EXOC6: variants seen among roughly 807,000 people sequenced by gnomAD.
The protein encoded by EXOC6 is SEC15-like 1.
A neutral mutation model predicts 112.5 loss-of-function variants in EXOC6; 60 were observed. That is an observed-to-expected ratio of 0.53 (90% CI 0.43 to 0.66). The LOEUF (loss-of-function observed/expected upper bound fraction) is 0.66. Ranked by LOEUF, EXOC6 falls within the 30% of genes least tolerant of loss-of-function variation. EXOC6 has a pLI of 0.00. For synonymous variants in EXOC6, 295 were observed against 308.0 expected (o/e 0.96, Z 0.44); for missense variants, 855 against 957.1 (o/e 0.89, Z 1.41).
chr10:93,000,161 A>T (rs1474660122), intron 19 of EXOC6, among the ~76,000 whole-genome samples: 1 of 152,228 alleles, frequency 6.6e-6, no homozygotes, highest in Admixed American at 6.5e-5. Flanking sequence ...ACTGTATTAC[A>T]TCTTTAGTAT....
In EXOC6 at chr10:92,836,375, T is replaced by C. The variant is rs549796721; in HGVS notation, c.86+1551T>C. ...TCCCTGGTACCAATCTTGTACCTTG[T>C]CTTTCTACAGCAAAAAATCATTTAG... is the stretch of plus-strand genomic sequence containing the variant. On this transcript the variant is annotated intron_variant, in intron 1 of 21. Coordinates refer to the EXOC6 transcript ENST00000371552. Among the ~76,000 whole-genome samples the C allele has an allele frequency of 2.6e-5, 4 of 152,322 alleles. No individual in the cohort carries two copies. In the South Asian group the frequency reaches 8.3e-4, roughly 32 times the overall value.
intron 19 of EXOC6, chr10:92,999,205 T>TA: frequency 1.1e-5 from 4 of 370,954 alleles, no homozygotes; most frequent in South Asian, 8.0e-5. Flanking sequence ...AAGAAACACT[T>TA]TTTTTTTTTT....
upstream of EXOC6, chr10:92,848,416 G>T: frequency 9.4e-6 from 8 of 850,064 alleles, no homozygotes; most frequent in Non-Finnish European, 1.1e-5. Context: ...GCGCGCCCCC[G>T]CGCCGCCGGC....
intron 17 of EXOC6, among the ~76,000 whole-genome samples, chr10:92,970,974 G>A (rs1009474224): frequency 1.4e-4 from 22 of 152,300 alleles, no homozygotes; most frequent in African/African-American, 5.1e-4. Flanking sequence ...TGTCTGGTAG[G>A]TCCAGTTGAT....
intron 8 of EXOC6, among the ~76,000 whole-genome samples, chr10:92,925,318 A>G (rs1851655328): frequency 6.6e-6 from 1 of 151,902 alleles, no homozygotes; most frequent in African/African-American, 2.4e-5. Context: ...TTTTTAAGAC[A>G]GAGTCGTGCT....
chr10:92,940,572 T>A (rs1269986368), intron 12 of EXOC6, among the ~76,000 whole-genome samples, 155 bp from the exon 13 acceptor site: 1 of 152,174 alleles, frequency 6.6e-6, no homozygotes, highest in Non-Finnish European at 1.5e-5. Context: ...TGCAATGTAG[T>A]AGAAAGTCAA....
intron 18 of EXOC6, among the ~76,000 whole-genome samples, chr10:92,991,166 G>T (rs1056239658): frequency 2.7e-5 from 4 of 150,860 alleles, no homozygotes; most frequent in South Asian, 2.1e-4. Context: ...GGCCAGGTGT[G>T]GTGCCTCACA....
At position 93,058,800 on chromosome 10, in the gene EXOC6, C is replaced by T. The variant is rs1846659569; in HGVS notation, c.*445C>T. The stretch of plus-strand genomic sequence containing the variant: ...TCTGACTTTTAGCTTTTATTTTCAC[C>T]TCAATGTGATTTAAGCAGACCAAAA... On this transcript the variant is annotated 3_prime_UTR_variant, in exon 22 of 22. Coordinates refer to ENST00000260762, the MANE Select transcript of EXOC6 (RefSeq NM_019053.6). 6.6e-6 allele frequency: 1 copy of T among 152,122 alleles called. No individual in the cohort carries two copies. Among genetic ancestry groups the T allele is most frequent in the Non-Finnish European group, 1.5e-5 (1 of 68,092 alleles). The allele number at this position is 152,122 out of a possible 1,614,324, so 9.4% of individuals were successfully genotyped here.
intron 8 of EXOC6, 128 bp downstream of exon 8, chr10:92,920,178 G>A (rs1382342511): frequency 3.8e-6 from 2 of 527,162 alleles, no homozygotes; most frequent in Admixed American, 7.9e-5. Flanking sequence ...TATCCACTCT[G>A]TGTAAGGCAC....
intron 1 of EXOC6, among the ~76,000 whole-genome samples, chr10:92,851,298 A>C (rs10882117): frequency 0.26 from 39,082 of 152,022 alleles, 6,357 homozygotes; most frequent in East Asian, 0.74. Flanking sequence ...TGGTTCTTTG[A>C]GGAGACTGTA....
chr10:93,023,046 A>G (rs182790716), intron 20 of EXOC6, among the ~76,000 whole-genome samples: 21 of 147,304 alleles, frequency 1.4e-4, no homozygotes, highest in Non-Finnish European at 2.8e-4. Context: ...GGTGGTTGAC[A>G]GTTCTTTTCA....
intron 17 of EXOC6, among the ~76,000 whole-genome samples, chr10:92,966,325 T>C (rs1842051300): frequency 6.7e-6 from 1 of 148,872 alleles, no homozygotes; most frequent in Non-Finnish European, 1.5e-5. Context: ...TTAGGGTACA[T>C]GTGCACAATG....
intron 9 of EXOC6, among the ~76,000 whole-genome samples, chr10:92,933,182 T>A (rs570177167): frequency 2.6e-5 from 4 of 152,238 alleles, no homozygotes; most frequent in African/African-American, 9.6e-5. Flanking sequence ...TCAAAGTATT[T>A]AAAGCAAAAC....
chr10:92,906,683 A>C (rs1478077474), intron 5 of EXOC6, among the ~76,000 whole-genome samples: 2 of 152,184 alleles, frequency 1.3e-5, no homozygotes, highest in African/African-American at 4.8e-5. Flanking sequence ...CATATAGGAT[A>C]ATAATTTGTT....
rs1206244383 is a variant in EXOC6, at chr10:93,049,060, A to AT, written c.2170-7849dup. 1.0e-2 allele frequency among the ~76,000 whole-genome samples: 1,423 copies of AT among 142,924 alleles called. 12 individuals are homozygous for AT. The highest frequency in any genetic ancestry group is 0.022 in the African/African-American group (868 of 39,244). The allele number at this position is 142,924 out of a possible 152,430, so 93.8% of individuals were successfully genotyped here. A position where few individuals can be genotyped will look rare whatever the true frequency, so the allele number is the denominator to read the frequency against. ...CTTGTACATAAATGTTAATAGCAGC[A>AT]TTTTTTTTTTTTTTTGAGGCAGAGT... On this transcript the variant is annotated intron_variant, in intron 20 of 21. Transcript: ENST00000260762.
intron 1 of EXOC6, among the ~76,000 whole-genome samples, chr10:92,850,744 A>G (rs925776768): frequency 1.3e-5 from 2 of 152,202 alleles, no homozygotes; most frequent in Admixed American, 1.3e-4. Context: ...TTATTCATAA[A>G]TATTTTAGTA....
Position 93,021,160 on chromosome 10 carries a change from A to C in EXOC6, c.2169+6893A>C, listed in dbSNP as rs80106230. 6.4e-3 allele frequency among the ~76,000 whole-genome samples: 970 copies of C among 151,552 alleles called. 18 individuals carry two copies. The highest frequency in any genetic ancestry group is 0.022 in the African/African-American group (919 of 41,292). Reference sequence around the variant, plus strand: ...TCACTACCCTCCTAAAATCATCCACACTTTCCCCATCTCCCTTTCCCATAA... The same window carrying C: ...TCACTACCCTCCTAAAATCATCCACCCTTTCCCCATCTCCCTTTCCCATAA... On this transcript the variant is annotated intron_variant, in intron 20 of 21. Transcript: ENST00000260762.
upstream of EXOC6, among the ~76,000 whole-genome samples, chr10:92,843,730 C>T (rs1479143409): frequency 6.6e-6 from 1 of 152,170 alleles, no homozygotes; most frequent in African/African-American, 2.4e-5. Flanking sequence ...TGGCTCCCGC[C>T]TGTAATCCAA....
chr10:92,948,987 A>C (rs1389897494), intron 14 of EXOC6, among the ~76,000 whole-genome samples: 1 of 152,206 alleles, frequency 6.6e-6, no homozygotes, highest in Non-Finnish European at 1.5e-5. Context: ...AGATTCTCAG[A>C]ATGCACATGA....
Sources: gnomAD v4.1 joint callset for allele counts (sites outside exome capture counted in the v4.1 genomes callset) on GRCh38, gnomAD v4.1.1 for gene constraint, MANE v1.5 for transcripts, NCBI Gene and HGNC (gene_info 2026-07-23, HGNC 2026-07-21) for gene names.